The following FGF14 variants were observed in gnomAD, a reference collection of about 807,000 sequenced individuals.
FGF14 encodes the protein fibroblast growth factor 14.
Under a neutral mutation model 25.5 loss-of-function variants are expected in FGF14, and 5 were observed. The observed-to-expected ratio is 0.20, with a 90% CI of 0.10 to 0.41. The LOEUF (loss-of-function observed/expected upper bound fraction) is 0.41. Among genes scored for constraint, FGF14 ranks in the 10% least tolerant of loss-of-function variants. The probability of loss-of-function intolerance (pLI) is 1.00; values close to 1 mark genes in which losing one functional copy is unlikely to be tolerated. For synonymous variants in FGF14, 138 were observed against 118.3 expected (o/e 1.17, Z -1.08); for missense variants, 222 against 320.1 (o/e 0.69, Z 2.34).
intron 3 of FGF14, among the ~76,000 whole-genome samples, chr13:101,764,527 C>T (rs777509819): frequency 3.9e-5 from 6 of 152,160 alleles, no homozygotes; most frequent in African/African-American, 1.4e-4. Flanking sequence ...AGAAAAGGGG[C>T]GATTAACAAC....
Position 101,712,500 on chromosome 13 carries a change from A to G in FGF14, c.*10331T>C, listed in dbSNP as rs907781139. On this transcript the variant is annotated 3_prime_UTR_variant, in exon 5 of 5. Transcript: ENST00000376143. ...CAGAGGATAAGTTTGAAGATGAAAT[A>G]TAAGATATTTCATGAATTGTGACAT... The G allele has an allele frequency of 1.3e-5, 2 of 152,224 alleles. No individual in the cohort carries two copies. Among genetic ancestry groups the G allele is most frequent in the African/African-American group, 4.8e-5 (2 of 41,458 alleles). 9.4% of individuals were successfully genotyped at this position (152,224 alleles called of 1,614,324 possible).
At chr13:101,887,351 C>A (rs1191147229) in intron 1 of FGF14, among the ~76,000 whole-genome samples, 1 of 149,360 alleles carries the variant, frequency 6.7e-6, no homozygotes, top group Non-Finnish European at 1.5e-5. Flanking sequence ...TATATACACA[C>A]ACACACACAT....
chr13:102,084,900 A>G (rs1338304664), intron 1 of FGF14, among the ~76,000 whole-genome samples: 1 of 152,084 alleles, frequency 6.6e-6, no homozygotes, highest in South Asian at 2.1e-4. Flanking sequence ...GGCTCCCCAA[A>G]CCCTTATTAA....
chr13:101,813,483 A>G (rs1197973754), intron 3 of FGF14, among the ~76,000 whole-genome samples: 1 of 151,152 alleles, frequency 6.6e-6, no homozygotes, highest in Non-Finnish European at 1.5e-5. Context: ...TGATGCAGCA[A>G]GAAGCCTTCA....
At chr13:101,868,538 C>T in intron 3 of FGF14, 187 bp downstream of exon 3, 1 of 608,482 alleles carries the variant, frequency 1.6e-6, no homozygotes, top group Non-Finnish European at 3.0e-6. Flanking sequence ...ATTACACTTC[C>T]TTTAGATAAA....
chr13:102,179,224 C>T (rs1218482522), intron 1 of FGF14, among the ~76,000 whole-genome samples: 1 of 152,004 alleles, frequency 6.6e-6, no homozygotes, highest in Non-Finnish European at 1.5e-5. Context: ...CCAGTTTTTC[C>T]CAAGAATCAT....
intron 3 of FGF14, among the ~76,000 whole-genome samples, chr13:101,842,197 G>C (rs975718540): frequency 1.3e-5 from 2 of 151,880 alleles, no homozygotes; most frequent in Admixed American, 6.6e-5. Flanking sequence ...CCTTTTTCCA[G>C]TATTCTTCTC....
At chr13:102,265,440 T>C (rs561407911) in intron 1 of FGF14, among the ~76,000 whole-genome samples, 2 of 152,038 alleles carry the variant, frequency 1.3e-5, no homozygotes, top group South Asian at 2.1e-4. Context: ...CGCATCTGAA[T>C]ATAATTCAAG....
chr13:101,783,525 G>GT (rs956287902), intron 3 of FGF14, among the ~76,000 whole-genome samples: 7 of 150,436 alleles, frequency 4.7e-5, no homozygotes, highest in Middle Eastern at 3.4e-3. Flanking sequence ...TGGCGTTGAG[G>GT]TTTTTTTTTG....
At chr13:102,293,438 C>T (rs904340911) in intron 1 of FGF14, 1 of 152,148 alleles carries the variant, frequency 6.6e-6, no homozygotes, top group Non-Finnish European at 1.5e-5. Flanking sequence ...TGCATTTGTC[C>T]TGATCAGCAC....
chr13:101,978,898 C>T (rs2038087459), intron 1 of FGF14, among the ~76,000 whole-genome samples: 1 of 152,204 alleles, frequency 6.6e-6, no homozygotes, highest in Non-Finnish European at 1.5e-5. Context: ...ACACCTGCCA[C>T]AAAGTGACGG....
intron 1 of FGF14, among the ~76,000 whole-genome samples, chr13:101,928,751 C>T (rs1453958685): frequency 6.6e-6 from 1 of 152,162 alleles, no homozygotes; most frequent in South Asian, 2.1e-4. Flanking sequence ...GTGCCAGGAC[C>T]TCTCCATCAC....
intron 1 of FGF14, among the ~76,000 whole-genome samples, chr13:102,168,829 G>A (rs1051485734): frequency 9.2e-5 from 14 of 151,990 alleles, no homozygotes; most frequent in African/African-American, 2.7e-4. Context: ...ATTCCTCCTC[G>A]AACTGTTTTA....
chr13:102,310,683 C>CTG (rs1234986673), intron 1 of FGF14, among the ~76,000 whole-genome samples: 5 of 24,510 alleles, frequency 2.0e-4, no homozygotes, highest in African/African-American at 9.2e-4. Flanking sequence ...CTCTCTCTCT[C>CTG]TCTGTGTGTG....
intron 1 of FGF14, among the ~76,000 whole-genome samples, chr13:101,986,601 T>C (rs891893005): frequency 2.0e-5 from 3 of 152,146 alleles, no homozygotes; most frequent in African/African-American, 7.2e-5. Flanking sequence ...TTGCCAAATT[T>C]CTAAGAACCT....
chr13:101,950,346 A>T (rs1350501936), intron 1 of FGF14, among the ~76,000 whole-genome samples: 1 of 152,224 alleles, frequency 6.6e-6, no homozygotes, highest in African/African-American at 2.4e-5. Context: ...ATGAATAAAA[A>T]GCAACATTAG....
chr13:102,301,786 A>G (rs1594783157), intron 1 of FGF14, among the ~76,000 whole-genome samples: 1 of 150,626 alleles, frequency 6.6e-6, no homozygotes, highest in African/African-American at 2.4e-5. Context: ...TTCCCTGGAG[A>G]TCATTCTATA....
chr13:102,232,478 C>T (rs2051129614), intron 1 of FGF14, among the ~76,000 whole-genome samples: 1 of 152,176 alleles, frequency 6.6e-6, no homozygotes, highest in African/African-American at 2.4e-5. Flanking sequence ...ACCACATCTA[C>T]AATGTTTTAT....
At chr13:101,816,000 G>A (rs2041824664) in intron 3 of FGF14, among the ~76,000 whole-genome samples, 2 of 110,766 alleles carry the variant, frequency 1.8e-5, no homozygotes, top group African/African-American at 6.7e-5. Flanking sequence ...GGCCGGGCGC[G>A]GTGGCTCACG....
Sources: allele counts gnomAD v4.1 joint callset (sites outside exome capture counted in the v4.1 genomes callset), GRCh38; gene constraint gnomAD v4.1.1; transcripts MANE v1.5; gene names NCBI Gene and HGNC (gene_info 2026-07-23, HGNC 2026-07-21).